ARHGEF10: variants seen among roughly 807,000 people sequenced by gnomAD.
The protein encoded by ARHGEF10 is Rho guanine nucleotide exchange factor 10.
A neutral mutation model predicts 147.4 loss-of-function variants in ARHGEF10; 140 were observed. The observed-to-expected ratio is 0.95, with a 90% CI of 0.83 to 1.09. ARHGEF10 has a LOEUF of 1.09. Among genes scored for constraint, ARHGEF10 ranks in the 50% least tolerant of loss-of-function variants. The pLI is 0.00. For missense variants in ARHGEF10, 2,222 were observed against 1,752.7 expected, an observed-to-expected ratio of 1.27 and a Z score of -4.78; for synonymous variants, 902 against 695.8, an observed-to-expected ratio of 1.30 and a Z score of -4.67.
chr8:1,934,436 A>G (rs1012343378), intron 26 of ARHGEF10, among the ~76,000 whole-genome samples: 5 of 152,160 alleles, frequency 3.3e-5, no homozygotes, highest in Non-Finnish European at 7.4e-5. Context: ...AGAAAATTCA[A>G]CTAACCATTT....
intron 7 of ARHGEF10, among the ~76,000 whole-genome samples, chr8:1,875,371 C>T (rs899389592): frequency 1.2e-4 from 19 of 152,194 alleles, no homozygotes; most frequent in African/African-American, 4.6e-4. Context: ...AGACCCTCCG[C>T]TCTTGGGCAC....
intron 7 of ARHGEF10, chr8:1,871,095 G>A (rs550557215): frequency 8.6e-6 from 1 of 116,556 alleles, no homozygotes; most frequent in African/African-American, 3.2e-5. Context: ...CCTGGGAAAT[G>A]AGTGAAAACT....
At chr8:1,945,873 AAGGAGCCGCGTGCTGGG>A (rs138520434) in intron 27 of ARHGEF10, 42 of 612,378 alleles carry the variant, frequency 6.9e-5, no homozygotes, top group African/African-American at 1.1e-4. Context: ...ACAGGTCCTG[AAGGAGCCGCGTGCTGGG>A]AGGAGCCGCG....
At chr8:1,842,958 G>A (rs73538801) in intron 1 of ARHGEF10, among the ~76,000 whole-genome samples, 19,460 of 152,158 alleles carry the variant, frequency 0.13, 1,492 homozygotes, top group African/African-American at 0.21. Context: ...GGCCGTCAGC[G>A]CCGCACCTGA....
intron 18 of ARHGEF10, among the ~76,000 whole-genome samples, chr8:1,922,009 A>G (rs780573683): frequency 1.3e-5 from 2 of 152,194 alleles, no homozygotes; most frequent in Non-Finnish European, 2.9e-5. Context: ...CATATTGCTT[A>G]AAGTACAGAC....
rs1428162200 is a variant in ARHGEF10 at position 1,926,298 on chromosome 8, A to G, written c.2611-79A>G. ...TGTGTTTATACATTGGAAGTAAGTCATCCATTTAAGACGTTATGTAGTCTA... is the reference window on the plus strand; with the variant it reads ...TGTGTTTATACATTGGAAGTAAGTCGTCCATTTAAGACGTTATGTAGTCTA... On this transcript the variant is annotated intron_variant, in intron 22 of 28. Coordinates refer to ENST00000349830, the MANE Select transcript of ARHGEF10 (RefSeq NM_014629.4). 6 of 1,144,406 alleles carry G rather than the reference A, an allele frequency of 5.2e-6. No homozygotes were observed. In the African/African-American group the frequency reaches 9.1e-5, roughly 17 times the overall value. 70.9% of individuals were successfully genotyped at this position (1,144,406 alleles called of 1,614,324 possible). A position where few individuals can be genotyped will look rare whatever the true frequency, so the allele number is the denominator to read the frequency against.
rs527478981 is a variant in ARHGEF10 at position 1,857,216 on chromosome 8, G to A, written c.38-744G>A. On this transcript the variant is annotated intron_variant, in intron 2 of 28. Transcript: ENST00000349830. ...CCATCAGAGATATTTAATTAAAATT[G>A]TAAATAAGAGAGGCAAAATGAAAAT... Among the ~76,000 whole-genome samples, 7 of 152,286 alleles carry A rather than the reference G, an allele frequency of 4.6e-5. No individual in the cohort carries two copies. In the East Asian group the frequency reaches 5.8e-4, roughly 13 times the overall value.
intron 4 of ARHGEF10, among the ~76,000 whole-genome samples, chr8:1,861,205 G>A (rs1343004619): frequency 6.6e-6 from 1 of 152,264 alleles, no homozygotes; most frequent in Non-Finnish European, 1.5e-5. Flanking sequence ...GAAGGGGCTT[G>A]GTTGGTGGAG....
chr8:1,860,279 C>T (rs1805999351), intron 4 of ARHGEF10, 95 bp downstream of exon 4: 8 of 1,528,406 alleles, frequency 5.2e-6, no homozygotes, highest in Non-Finnish European at 7.1e-6. Context: ...CTCTGCATGC[C>T]CCGGATGTGG....
At chr8:1,946,263 T>G (rs1466781242) in intron 27 of ARHGEF10, among the ~76,000 whole-genome samples, 1 of 152,228 alleles carries the variant, frequency 6.6e-6, no homozygotes. Context: ...AGGGCTGTTT[T>G]GCTTCTTTGC....
chr8:1,857,906 C>A, intron 2 of ARHGEF10, 54 bp from the exon 3 acceptor site: 1 of 1,303,004 alleles, frequency 7.7e-7, no homozygotes, highest in Non-Finnish European at 1.1e-6. Context: ...ATCTATCTAT[C>A]TATCTATCTA....
At chr8:1,858,175 G>GGTGGGTCCCCAT in intron 3 of ARHGEF10, 60 bp downstream of exon 3, 1 of 1,534,058 alleles carries the variant, frequency 6.5e-7, no homozygotes, top group Non-Finnish European at 8.8e-7. Flanking sequence ...TGAGTCCCCA[G>GGTGGGTCCCCAT]GTGGGTCCCC....
chr8:1,824,029 GGCGGGGAACA>G lies in ARHGEF10; in HGVS notation c.-125_-116del, dbSNP rs1268486648. On this transcript the variant is annotated 5_prime_UTR_variant, in exon 1 of 29. Coordinates refer to ENST00000349830, the MANE Select transcript of ARHGEF10 (RefSeq NM_014629.4). ...GGGACGGCGGGGAACGGCGGGGGAC[GGCGGGGAACA>G]GCGGGGGACGGCGGGGAACAGCGGG... 1.2e-4 allele frequency: 17 copies of G among 136,854 alleles called. No individual in the cohort carries two copies. The highest frequency in any genetic ancestry group is 2.1e-4 in the Non-Finnish European group (13 of 61,756). 8.5% of individuals were successfully genotyped at this position (136,854 alleles called of 1,614,324 possible).
At chr8:1,897,267 A>C (rs1810052981) in intron 14 of ARHGEF10, among the ~76,000 whole-genome samples, 1 of 152,224 alleles carries the variant, frequency 6.6e-6, no homozygotes, top group Non-Finnish European at 1.5e-5. Context: ...CCTCTGCCTT[A>C]TCCAGCACGG....
chr8:1,848,340 C>T (rs74423502), intron 2 of ARHGEF10, among the ~76,000 whole-genome samples: 3,145 of 152,192 alleles, frequency 0.021, 109 homozygotes, highest in African/African-American at 0.072. Context: ...TTTCTATAGA[C>T]GAGGGATGGG....
Position 1,823,951 on chromosome 8 carries a change from G to C in ARHGEF10, c.-210G>C, listed in dbSNP as rs866915883. 9 of 151,294 alleles carry C rather than the reference G, an allele frequency of 5.9e-5. No homozygotes were observed. The highest frequency in any genetic ancestry group is 2.0e-4 in the East Asian group (1 of 5,018). The allele number at this position is 151,294 out of a possible 1,614,324, so 9.4% of individuals were successfully genotyped here. On this transcript the variant is annotated 5_prime_UTR_variant, in exon 1 of 29. Coordinates refer to ENST00000349830, the MANE Select transcript of ARHGEF10 (RefSeq NM_014629.4). Reference sequence around the variant, plus strand: ...AGGGGCTGGGCGCATCCCTGTAGCCGGCGGGCGCGCGATCCGGGACGGACG... The same window carrying C: ...AGGGGCTGGGCGCATCCCTGTAGCCCGCGGGCGCGCGATCCGGGACGGACG...
chr8:1,949,186 C>T (rs1197167652), intron 27 of ARHGEF10, among the ~76,000 whole-genome samples: 1 of 152,172 alleles, frequency 6.6e-6, no homozygotes, highest in East Asian at 1.9e-4. Flanking sequence ...TGTGTAAGTT[C>T]ACACAACGTG....
chr8:1,941,463 T>C (rs1489906850), intron 26 of ARHGEF10, among the ~76,000 whole-genome samples: 1 of 152,180 alleles, frequency 6.6e-6, no homozygotes, highest in Non-Finnish European at 1.5e-5. Flanking sequence ...AAAGAATACC[T>C]AAATAAATGG....
At chr8:1,829,864 C>T (rs554442327) in intron 1 of ARHGEF10, among the ~76,000 whole-genome samples, 148 of 152,282 alleles carry the variant, frequency 9.7e-4, no homozygotes, top group Middle Eastern at 3.4e-3. Context: ...AGGCACCCTG[C>T]TCCTGGAATG....
Sources: gnomAD v4.1 joint callset for allele counts (sites outside exome capture counted in the v4.1 genomes callset) on GRCh38, gnomAD v4.1.1 for gene constraint, MANE v1.5 for transcripts, NCBI Gene and HGNC (gene_info 2026-07-23, HGNC 2026-07-21) for gene names.